The following TMF1 variants were observed in gnomAD, a reference collection of about 807,000 sequenced individuals.
The protein encoded by TMF1 is TATA element modulatory factor.
In TMF1, 71 loss-of-function variants were observed where a neutral mutation model predicts 126.5. That is an observed-to-expected ratio of 0.56 (90% CI 0.46 to 0.68). The LOEUF (loss-of-function observed/expected upper bound fraction) is 0.68, where lower values mean the gene tolerates loss of function less well. Among genes scored for constraint, TMF1 ranks in the 30% least tolerant of loss-of-function variants. The pLI is 0.00. For missense variants in TMF1, 1,259 were observed against 1,253.2 expected, an observed-to-expected ratio of 1.00 and a Z score of -0.07; for synonymous variants, 461 against 430.5, an observed-to-expected ratio of 1.07 and a Z score of -0.88.
At chr3:69,051,883 C>T in intron 1 of TMF1, 62 bp downstream of exon 1, 1 of 1,581,764 alleles carries the variant, frequency 6.3e-7, no homozygotes. Flanking sequence ...ACCACTTAAC[C>T]TGCCTGCATC....
At chr3:69,026,521 AGGT>A (rs1180895551) in intron 13 of TMF1, among the ~76,000 whole-genome samples, 1 of 152,166 alleles carries the variant, frequency 6.6e-6, no homozygotes, top group Non-Finnish European at 1.5e-5. Flanking sequence ...TGAACCTGGG[AGGT>A]GAGGTTGCGG....
intron 10 of TMF1, 55 bp downstream of exon 10, chr3:69,033,493 T>G (rs1212136098): frequency 1.3e-6 from 2 of 1,533,896 alleles, no homozygotes; most frequent in Non-Finnish European, 1.8e-6. Flanking sequence ...TTATTCTAAT[T>G]CTATAAACAA....
chr3:69,047,429 T>C lies in TMF1; in HGVS notation c.1276A>G (p.Lys426Glu). ...PINEGQTVLD[K>E]VAEQCEPAES... is the part of the protein sequence containing the mutation. ...GCAGGTTCACACTGCTCAGCCACCT[T>C]GTCTAACACAGTCTGTCCTTCATTT... is the stretch of plus-strand genomic sequence containing the variant. Residue 426 changes from lysine (K) to glutamate (E), a missense_variant, in exon 2 of 17, where the codon AAG (lysine) becomes GAG (glutamate). By Grantham distance (56) the Lys-to-Glu change is moderately conservative. Transcript: ENST00000398559. 2 of 1,614,046 alleles carry C rather than the reference T, an allele frequency of 1.2e-6. No individual in the cohort carries two copies. The highest frequency in any genetic ancestry group is 8.5e-7 in the Non-Finnish European group (1 of 1,179,954).
At chr3:69,029,396 T>C (rs1053933136) in intron 11 of TMF1, among the ~76,000 whole-genome samples, 17 of 152,050 alleles carry the variant, frequency 1.1e-4, no homozygotes, top group African/African-American at 3.9e-4. Context: ...TAGTTCTTGG[T>C]ACCCTGAAGC....
rs1328150867 is a variant in TMF1 at position 69,026,040 on chromosome 3, T to C, written c.2815A>G (p.Ser939Gly). 1 of 1,614,098 alleles carries C rather than the reference T, an allele frequency of 6.2e-7. No homozygotes were observed. The highest frequency in any genetic ancestry group is 2.2e-5 in the East Asian group (1 of 44,860). Residue 939 changes from serine (S) to glycine (G), a missense_variant, in exon 14 of 17, where the codon AGT becomes GGT. Ser to Gly is a moderately conservative substitution (Grantham distance 56). Coordinates refer to ENST00000398559, the MANE Select transcript of TMF1 (RefSeq NM_007114.3). ...TGTAGTCCTGCCATATCAACACCAC[T>C]TATTGAACTTGAGCGTGACATGGTG... ...TPTMSRSSSI[S>G]GVDMAGLQTS... is the part of the protein sequence containing the mutation.
At position 69,033,610 on chromosome 3, in the gene TMF1, G is replaced by A. The variant is rs2091816822; in HGVS notation, c.2339C>T (p.Ala780Val). 1 of 1,613,960 alleles carries A rather than the reference G, an allele frequency of 6.2e-7. No homozygotes were observed. The highest frequency in any genetic ancestry group is 8.5e-7 in the Non-Finnish European group (1 of 1,179,980). The part of the protein sequence containing the change: ...PLLRQIENLQ[A>V]TLGSQTSSWE... The stretch of plus-strand genomic sequence containing the variant: ...CGACGATGTCTGGGATCCCAGGGTT[G>A]CTTGCAAATTTTCTATTTGTCGAAG... The change falls in exon 10 of 17, where the codon GCA becomes GTA. Residue 780 changes from alanine (A) to valine (V), a missense_variant. Ala to Val is a moderately conservative substitution (Grantham distance 64, BLOSUM62 0). Transcript: ENST00000398559.
At chr3:69,045,647 G>T (rs184380350) in intron 2 of TMF1, among the ~76,000 whole-genome samples, 148 of 152,132 alleles carry the variant, frequency 9.7e-4, no homozygotes, top group African/African-American at 3.4e-3. Context: ...AGGCATGGTA[G>T]CATACGTCTG....
At chr3:69,040,687 G>A (rs1337195038) in intron 5 of TMF1, among the ~76,000 whole-genome samples, 1 of 152,122 alleles carries the variant, frequency 6.6e-6, no homozygotes, top group Non-Finnish European at 1.5e-5. Flanking sequence ...AGCACTTTTG[G>A]GAAGCAGGCG....
In TMF1 at chr3:69,047,779, T is replaced by C. The variant is rs1559635780; in HGVS notation, c.926A>G (p.Asp309Gly). Reference protein sequence around the residue: ...SACPEYNRLDDFQKLTESCCS... With the variant: ...SACPEYNRLDGFQKLTESCCS... ...GCAACTCTCAGTGAGTTTTTGGAAA[T>C]CATCTAAACGATTATATTCAGGACA... Residue 309 changes from aspartate to glycine, a missense_variant, in exon 2 of 17, where the codon GAT (aspartate) becomes GGT (glycine). By Grantham distance (94) the Asp-to-Gly change is moderately conservative. Coordinates refer to ENST00000398559, the MANE Select transcript of TMF1 (RefSeq NM_007114.3). The C allele has an allele frequency of 6.2e-7, 1 of 1,614,080 alleles. No individual in the cohort carries two copies. Among genetic ancestry groups the C allele is most frequent in the Non-Finnish European group, 8.5e-7 (1 of 1,180,030 alleles).
At chr3:69,051,890 C>T (rs1485201581) in intron 1 of TMF1, 55 bp downstream of exon 1, 70 of 1,590,594 alleles carry the variant, frequency 4.4e-5, no homozygotes, top group Non-Finnish European at 5.3e-5. Context: ...AACCTGCCTG[C>T]ATCAAGAGAA....
At chr3:69,035,831 TG>T (rs1256457661) in intron 8 of TMF1, among the ~76,000 whole-genome samples, 3 of 152,102 alleles carry the variant, frequency 2.0e-5, no homozygotes, top group Non-Finnish European at 4.4e-5. Context: ...ACATCAATTA[TG>T]AAAAACACAT....
chr3:69,046,577 ACATCTCAGAAGTCTATTAAAGAT>A (rs2091897276), intron 2 of TMF1, among the ~76,000 whole-genome samples: 1 of 152,224 alleles, frequency 6.6e-6, no homozygotes, highest in Non-Finnish European at 1.5e-5. Flanking sequence ...AAGACATCCT[ACATCTCAGAAGTCTATTAAAGAT>A]ACCAGATCCA....
intron 5 of TMF1, among the ~76,000 whole-genome samples, chr3:69,040,890 C>A (rs999379294): frequency 6.6e-6 from 1 of 151,620 alleles, no homozygotes; most frequent in Non-Finnish European, 1.5e-5. Flanking sequence ...CCACTGTACT[C>A]CAGCCTGGAC....
intron 4 of TMF1, 146 bp downstream of exon 4, chr3:69,043,604 G>T: frequency 1.3e-6 from 1 of 778,420 alleles, no homozygotes; most frequent in Non-Finnish European, 1.9e-6. Context: ...ACCACACGTG[G>T]CCAAAAATCT....
chr3:69,023,300 G>A lies in TMF1; in HGVS notation c.3159C>T (p.Asn1053=), dbSNP rs2091749754. Residue 1053 remains asparagine, a synonymous_variant, in exon 17 of 17, where the codon AAC becomes AAT. Transcript: ENST00000398559. ...TTTCTCCATACATCTGCAGAATAGT[G>A]TTGTACCTTTGATCCAAATCCTGAA... ...TQLRDLDQRY[N]TILQMYGEKA... is the part of the protein sequence containing the mutation. The A allele has an allele frequency of 6.2e-7, 1 of 1,609,342 alleles. No homozygotes were observed. The highest frequency in any genetic ancestry group is 1.7e-5 in the Admixed American group (1 of 59,036).
rs1185850190 is a variant in TMF1, at chr3:69,039,068, C to T, written c.1828-59G>A. 9 of 1,262,960 alleles carry T rather than the reference C, an allele frequency of 7.1e-6. No homozygotes were observed. In the African/African-American group the frequency reaches 7.6e-5, roughly 11 times the overall value. 78.2% of individuals were successfully genotyped at this position (1,262,960 alleles called of 1,614,324 possible). A position where few individuals can be genotyped will look rare whatever the true frequency, so the allele number is the denominator to read the frequency against. On this transcript the variant is annotated intron_variant, in intron 6 of 16. Transcript: ENST00000398559. ...CAAGAAATAATACCATGGTAAATAA[C>T]TGTATTCCAGGAATCTATAATAATG...
rs561769538 is a variant in TMF1 at position 69,019,851 on chromosome 3, A to T, written c.*3326T>A. ...ATTACTATTTTAAAATCTTTATTCA[A>T]TCAGATCCATGCTTATTTACATTAC... On this transcript the variant is annotated 3_prime_UTR_variant, in exon 17 of 17. Coordinates refer to ENST00000398559, the MANE Select transcript of TMF1 (RefSeq NM_007114.3). 2.0e-5 allele frequency: 3 copies of T among 152,128 alleles called. No homozygotes were observed. The South Asian group carries it at 6.2e-4, about 31-fold the overall frequency. 9.4% of individuals were successfully genotyped at this position (152,128 alleles called of 1,614,324 possible). A position where few individuals can be genotyped will look rare whatever the true frequency, so the allele number is the denominator to read the frequency against.
intron 15 of TMF1, 26 bp from the exon 16 acceptor site, chr3:69,024,206 T>A (rs2091754013): frequency 6.4e-7 from 1 of 1,571,230 alleles, no homozygotes; most frequent in Non-Finnish European, 8.6e-7. Flanking sequence ...ACAAAATAGT[T>A]TAAATCAAAA....
chr3:69,051,654 G>C (rs1280077038), intron 1 of TMF1, among the ~76,000 whole-genome samples: 3 of 152,056 alleles, frequency 2.0e-5, no homozygotes, highest in Non-Finnish European at 4.4e-5. Flanking sequence ...GCTGCGTCGA[G>C]GGAGAGCTTG....
Sources: allele counts gnomAD v4.1 joint callset (sites outside exome capture counted in the v4.1 genomes callset), GRCh38; gene constraint gnomAD v4.1.1; transcripts MANE v1.5; gene names NCBI Gene and HGNC (gene_info 2026-07-23, HGNC 2026-07-21).